Variants in KIAA0513 observed in about 807,000 individuals in gnomAD.
KIAA0513 encodes the protein KIAA0513.
In KIAA0513, 39 loss-of-function variants were observed where a neutral mutation model predicts 56.5. The ratio of observed to expected loss-of-function variants is 0.69; its 90% CI spans 0.53 to 0.90. The LOEUF (loss-of-function observed/expected upper bound fraction) is 0.90, where lower values mean the gene tolerates loss of function less well. Ranked by LOEUF, KIAA0513 falls within the 40% of genes least tolerant of loss-of-function variation. The probability of loss-of-function intolerance (pLI) is 0.00; values close to 1 mark genes in which losing one functional copy is unlikely to be tolerated. For synonymous variants in KIAA0513, 268 were observed against 215.6 expected, an observed-to-expected ratio of 1.24 and a Z score of -2.13; for missense variants, 591 against 535.2, an observed-to-expected ratio of 1.10 and a Z score of -1.03.
At chr16:85,059,955 G>A (rs1377119334) in intron 1 of KIAA0513, among the ~76,000 whole-genome samples, 1 of 152,128 alleles carries the variant, frequency 6.6e-6, no homozygotes, top group African/African-American at 2.4e-5. Context: ...TTGATTTTTT[G>A]TTTGTTTGTG....
chr16:85,061,417 G>C (rs907640731), intron 1 of KIAA0513, among the ~76,000 whole-genome samples: 27 of 152,294 alleles, frequency 1.8e-4, no homozygotes, highest in African/African-American at 6.5e-4. Context: ...GTCTCTTCCT[G>C]GCCTCTCCCC....
rs569602342 is a variant in KIAA0513 at position 85,092,853 on chromosome 16, C to G, written c.*4528C>G. The G allele has an allele frequency of 4.3e-4, 65 of 152,496 alleles. No homozygotes were observed. Among genetic ancestry groups the G allele is most frequent in the African/African-American group, 1.4e-3 (57 of 41,574 alleles). The allele number at this position is 152,496 out of a possible 1,614,324, so 9.4% of individuals were successfully genotyped here. On this transcript the variant is annotated 3_prime_UTR_variant, in exon 13 of 13. Transcript: ENST00000683363. ...CCACGCACCCCAGGAACCCTTGCTG[C>G]CGCGGGCCAGGAACAGGAATGTGTT... is the stretch of plus-strand genomic sequence containing the variant.
At chr16:85,077,346 G>A (rs2073670553) in intron 5 of KIAA0513, 79 bp from the exon 6 acceptor site, 3 of 1,368,564 alleles carry the variant, frequency 2.2e-6, no homozygotes, top group Non-Finnish European at 3.1e-6. Context: ...ACCCCTGCGG[G>A]GCTCCCTCTG....
intron 12 of KIAA0513, among the ~76,000 whole-genome samples, 189 bp downstream of exon 12, chr16:85,087,355 C>T (rs867930492): frequency 1.3e-5 from 2 of 152,324 alleles, no homozygotes; most frequent in Admixed American, 6.5e-5. Flanking sequence ...GGACACCTCT[C>T]GTTCCATTTG....
intron 1 of KIAA0513, among the ~76,000 whole-genome samples, chr16:85,061,156 C>CAA (rs71386073): frequency 9.2e-6 from 1 of 109,180 alleles, no homozygotes; most frequent in Non-Finnish European, 1.9e-5. Flanking sequence ...GTCTCCGTCT[C>CAA]AAAAAAAAAA....
intron 2 of KIAA0513, among the ~76,000 whole-genome samples, chr16:85,068,493 C>T (rs900026442): frequency 2.0e-5 from 3 of 152,040 alleles, no homozygotes; most frequent in African/African-American, 7.2e-5. Flanking sequence ...CCACCACACC[C>T]GGCTAGTTTT....
intron 1 of KIAA0513, among the ~76,000 whole-genome samples, chr16:85,036,410 C>T (rs890802048): frequency 2.1e-4 from 32 of 152,314 alleles, no homozygotes; most frequent in African/African-American, 7.0e-4. Flanking sequence ...CTGGACATTT[C>T]GTAAACCTGG....
At chr16:85,084,511 C>T (rs111635564) in intron 10 of KIAA0513, among the ~76,000 whole-genome samples, 11 of 150,662 alleles carry the variant, frequency 7.3e-5, no homozygotes, top group Non-Finnish European at 1.3e-4. Context: ...CTCACTGCAA[C>T]CTCTGCCTCC....
intron 8 of KIAA0513, 127 bp downstream of exon 8, chr16:85,079,130 A>G (rs1433416264): frequency 6.6e-7 from 1 of 1,522,686 alleles, no homozygotes; most frequent in Non-Finnish European, 8.8e-7. Flanking sequence ...CCAGAGTGGC[A>G]GAATAAAAAG....
rs755240509 is a variant in KIAA0513 at position 85,077,564 on chromosome 16, T to C, written c.714T>C (p.Thr238=). The change falls in exon 6 of 13, where the codon ACT becomes ACC. Residue 238 remains threonine, a synonymous_variant. Transcript: ENST00000683363. ...ERLLKNTSAR[T]ENVKGFFGGL... is the part of the protein sequence containing the mutation. ...TGCTGAAGAACACCTCGGCCAGGAC[T>C]GAGAATGTCAAGGGCTTCTTCGGGG... 5.6e-6 allele frequency: 9 copies of C among 1,614,062 alleles called. No individual in the cohort carries two copies. The South Asian group carries it at 7.7e-5, about 14-fold the overall frequency.
chr16:85,072,821 C>G (rs2144042805), intron 3 of KIAA0513, 104 bp from the exon 4 acceptor site: 1 of 1,142,738 alleles, frequency 8.8e-7, no homozygotes, highest in East Asian at 2.4e-5. Context: ...GGGCCCCCAT[C>G]CCAGCTGCAT....
rs577279775 is a variant in KIAA0513, at chr16:85,080,063, C to T, written c.902+1060C>T. On this transcript the variant is annotated intron_variant, in intron 8 of 12. Coordinates refer to ENST00000683363, the MANE Select transcript of KIAA0513 (RefSeq NM_001388359.1). ...TTGCCCGTTAACCAAGCAAGGGTTA[C>T]TTGAGGAGCTTGGCCAGGGAGCGCT... Among the ~76,000 whole-genome samples the T allele has an allele frequency of 2.6e-5, 4 of 152,318 alleles. No homozygotes were observed. In the South Asian group the frequency reaches 8.3e-4, roughly 32 times the overall value.
chr16:85,070,187 A>AAAAAAG (rs1555523564), intron 2 of KIAA0513, among the ~76,000 whole-genome samples: 1 of 147,564 alleles, frequency 6.8e-6, no homozygotes, highest in African/African-American at 2.5e-5. Flanking sequence ...AAAAAAAGAA[A>AAAAAAG]AAAGAAAGAA....
intron 1 of KIAA0513, among the ~76,000 whole-genome samples, chr16:85,047,027 A>G (rs1198189045): frequency 6.6e-6 from 1 of 152,162 alleles, no homozygotes; most frequent in Non-Finnish European, 1.5e-5. Context: ...TCTGAATATT[A>G]CGTTAGGAAG....
chr16:85,086,193 G>C (rs1414870940), intron 10 of KIAA0513, among the ~76,000 whole-genome samples: 1 of 152,320 alleles, frequency 6.6e-6, no homozygotes, highest in Admixed American at 6.5e-5. Flanking sequence ...ACAGGTGTGA[G>C]TCTAAAAACG....
chr16:85,077,879 G>A (rs541092649), intron 6 of KIAA0513, among the ~76,000 whole-genome samples: 4 of 152,214 alleles, frequency 2.6e-5, no homozygotes, highest in Admixed American at 2.6e-4. Context: ...GGGATTGTCA[G>A]ATGGCAGAGG....
Position 85,087,049 on chromosome 16 carries a change from C to T in KIAA0513, c.1092-23C>T, listed in dbSNP as rs182988616. ...TTTCCCCTGGGAGGCCAGCGGGTGACGCTCTTGGGGTTTCTCCTGCAGCAC... is the reference window on the plus strand; with the variant it reads ...TTTCCCCTGGGAGGCCAGCGGGTGATGCTCTTGGGGTTTCTCCTGCAGCAC... On this transcript the variant is annotated intron_variant, in intron 11 of 12. Transcript: ENST00000683363. 179 of 1,610,856 alleles carry T rather than the reference C, an allele frequency of 1.1e-4. 1 individual carries two copies. Among genetic ancestry groups the T allele is most frequent in the Admixed American group, 7.8e-4 (47 of 59,984 alleles).
chr16:85,060,214 G>A (rs1159542373), intron 1 of KIAA0513, among the ~76,000 whole-genome samples: 2 of 152,232 alleles, frequency 1.3e-5, no homozygotes, highest in African/African-American at 4.8e-5. Context: ...TCCTGCCTCA[G>A]CCTCCCAAAG....
At chr16:85,038,102 C>T (rs930818536) in intron 1 of KIAA0513, among the ~76,000 whole-genome samples, 13 of 152,208 alleles carry the variant, frequency 8.5e-5, no homozygotes, top group African/African-American at 3.1e-4. Flanking sequence ...TGGGCTGGTC[C>T]CTGTAGCCCT....
Sources: allele counts gnomAD v4.1 joint callset (sites outside exome capture counted in the v4.1 genomes callset), GRCh38; gene constraint gnomAD v4.1.1; transcripts MANE v1.5; gene names NCBI Gene and HGNC (gene_info 2026-07-23, HGNC 2026-07-21).